The following MAP4 variants were observed in gnomAD, a reference collection of about 807,000 sequenced individuals.
The protein encoded by MAP4 is microtubule associated protein 4, also known as microtubule-associated protein 4.
MAP4 carries 76 observed loss-of-function variants against 170.2 expected under a neutral mutation model. The ratio of observed to expected loss-of-function variants is 0.45; its 90% CI spans 0.37 to 0.54. MAP4 has a LOEUF of 0.54. MAP4 is among the 20% of genes least tolerant of loss of function. The probability of loss-of-function intolerance (pLI) is 0.00; values close to 1 mark genes in which losing one functional copy is unlikely to be tolerated. For synonymous variants in MAP4, 909 were observed against 994.5 expected, an observed-to-expected ratio of 0.91 and a Z score of 1.62; for missense variants, 2,506 against 2,748.0, an observed-to-expected ratio of 0.91 and a Z score of 1.97.
intron 1 of MAP4, among the ~76,000 whole-genome samples, chr3:48,058,828 G>A (rs2154556388): frequency 6.6e-6 from 1 of 152,198 alleles, no homozygotes; most frequent in Non-Finnish European, 1.5e-5. Flanking sequence ...CGCCCAGGCT[G>A]GAGTGCAATG....
chr3:47,918,882 A>G, intron 5 of MAP4, 41 bp from the exon 6 acceptor site: 1 of 1,530,000 alleles, frequency 6.5e-7, no homozygotes, highest in Non-Finnish European at 9.0e-7. Flanking sequence ...GAAACTTAGT[A>G]AACATTGGAA....
At chr3:48,026,967 AAC>A in intron 1 of MAP4, among the ~76,000 whole-genome samples, 1 of 152,370 alleles carries the variant, frequency 6.6e-6, no homozygotes, top group East Asian at 1.9e-4. Flanking sequence ...TGCTTGAAAA[AAC>A]AGAAACATAT....
At chr3:47,915,234 A>G (rs2100038108) in intron 7 of MAP4, among the ~76,000 whole-genome samples, 1 of 151,264 alleles carries the variant, frequency 6.6e-6, no homozygotes, top group Admixed American at 6.6e-5. Flanking sequence ...CTCCTGCCTC[A>G]GCCTCCCGAG....
chr3:47,921,073 A>G (rs1383957387), intron 5 of MAP4, among the ~76,000 whole-genome samples: 1 of 152,256 alleles, frequency 6.6e-6, no homozygotes, highest in East Asian at 1.9e-4. Context: ...TCACCTGACC[A>G]GGAGGCCAAG....
At chr3:48,067,234 T>C (rs1168592781) in intron 1 of MAP4, among the ~76,000 whole-genome samples, 4 of 152,020 alleles carry the variant, frequency 2.6e-5, no homozygotes, top group Admixed American at 6.6e-5. Context: ...GCTCCGAAAA[T>C]GTGCCTCTTA....
chr3:47,866,494 G>A (rs2080437269), intron 17 of MAP4, among the ~76,000 whole-genome samples: 1 of 151,598 alleles, frequency 6.6e-6, no homozygotes, highest in Non-Finnish European at 1.5e-5. Context: ...AGTGTTTCAT[G>A]CCTGTAATCC....
chr3:47,898,726 C>G (rs2100028391), intron 10 of MAP4, among the ~76,000 whole-genome samples: 1 of 152,068 alleles, frequency 6.6e-6, no homozygotes, highest in Non-Finnish European at 1.5e-5. Context: ...GTGGGAGGAC[C>G]ACTTGAGGCC....
intron 17 of MAP4, among the ~76,000 whole-genome samples, chr3:47,858,504 C>A (rs1335658506): frequency 6.6e-6 from 1 of 152,066 alleles, no homozygotes; most frequent in Non-Finnish European, 1.5e-5. Context: ...TACCTATCAA[C>A]TCCTTGCCCA....
chr3:47,983,258 G>T (rs755238338), intron 2 of MAP4, among the ~76,000 whole-genome samples: 11 of 152,120 alleles, frequency 7.2e-5, no homozygotes, highest in Non-Finnish European at 1.3e-4. Flanking sequence ...GCCCAGGCTG[G>T]AATGCAGTGG....
At chr3:48,081,220 G>A (rs1336004696) in intron 1 of MAP4, among the ~76,000 whole-genome samples, 1 of 152,014 alleles carries the variant, frequency 6.6e-6, no homozygotes, top group Non-Finnish European at 1.5e-5. Flanking sequence ...AACCCCGGAG[G>A]CGCAGCTTGC....
At chr3:47,853,025 GT>G in intron 20 of MAP4, 87 bp from the exon 21 acceptor site, 3 of 1,614,226 alleles carry the variant, frequency 1.9e-6, no homozygotes, top group Non-Finnish European at 2.5e-6. Flanking sequence ...AGACCAGAAT[GT>G]CATCATTAGA....
upstream of MAP4, among the ~76,000 whole-genome samples, chr3:48,019,175 A>C (rs2100109311): frequency 6.6e-6 from 1 of 151,172 alleles, no homozygotes; most frequent in African/African-American, 2.4e-5. Context: ...CCATCTCTAC[A>C]AAAAAAAATG....
At chr3:48,055,777 G>A (rs1374417908) in intron 1 of MAP4, among the ~76,000 whole-genome samples, 1 of 130,998 alleles carries the variant, frequency 7.6e-6, no homozygotes, top group African/African-American at 2.8e-5. Flanking sequence ...CTTCCCAGCC[G>A]CCATCACATC....
At chr3:47,857,710 T>C (rs1388031892) in intron 17 of MAP4, among the ~76,000 whole-genome samples, 198 bp from the exon 18 acceptor site, 1 of 151,520 alleles carries the variant, frequency 6.6e-6, no homozygotes, top group Non-Finnish European at 1.5e-5. Flanking sequence ...TGCTCTTCAC[T>C]TCCTTTTTTT....
intron 6 of MAP4, among the ~76,000 whole-genome samples, chr3:47,917,616 T>TAATGTC (rs1452855191): frequency 2.7e-5 from 4 of 148,304 alleles, no homozygotes; most frequent in Non-Finnish European, 5.9e-5. Context: ...AAGAAGAAGC[T>TAATGTC]AATGTCAAGT....
At chr3:47,906,632 G>A (rs1161985928) in intron 9 of MAP4, among the ~76,000 whole-genome samples, 1 of 150,698 alleles carries the variant, frequency 6.6e-6, no homozygotes, top group Non-Finnish European at 1.5e-5. Context: ...GCGGTGAACT[G>A]AGATCATGCC....
chr3:47,915,103 T>C (rs576881822), intron 7 of MAP4, among the ~76,000 whole-genome samples, 164 bp from the exon 8 acceptor site: 2 of 151,956 alleles, frequency 1.3e-5, no homozygotes, highest in Admixed American at 1.3e-4. Context: ...AAGGTATGTC[T>C]AGTTATGTTA....
intron 2 of MAP4, among the ~76,000 whole-genome samples, chr3:47,997,913 T>C (rs1175965912): frequency 1.3e-5 from 2 of 152,216 alleles, no homozygotes; most frequent in Non-Finnish European, 2.9e-5. Context: ...AATAGTTCTA[T>C]GATCTCTGAA....
At chr3:47,921,664 G>T (rs1553624086) in intron 5 of MAP4, 101 bp downstream of exon 5, 2 of 661,022 alleles carry the variant, frequency 3.0e-6, no homozygotes, top group African/African-American at 1.8e-5. Context: ...CTTTTTTCTT[G>T]TTAATCTTTT....
Sources: gnomAD v4.1 joint callset for allele counts (sites outside exome capture counted in the v4.1 genomes callset) on GRCh38, gnomAD v4.1.1 for gene constraint, MANE v1.5 for transcripts, NCBI Gene and HGNC (gene_info 2026-07-23, HGNC 2026-07-21) for gene names.